MYRIP: variants seen among roughly 807,000 people sequenced by gnomAD.
The protein encoded by MYRIP is rab effector MyRIP.
In MYRIP, 49 loss-of-function variants were observed where a neutral mutation model predicts 98.0. The ratio of observed to expected loss-of-function variants is 0.50; its 90% CI spans 0.40 to 0.63. The LOEUF is 0.63. MYRIP is among the 30% of genes least tolerant of loss of function. The pLI, the probability that MYRIP is intolerant of heterozygous loss-of-function variation, is 0.00. For missense variants in MYRIP, 1,004 were observed against 1,058.2 expected (o/e 0.95, Z 0.71); for synonymous variants, 404 against 409.5 (o/e 0.99, Z 0.16).
chr3:39,942,268 C>T (rs530059241), intron 2 of MYRIP, among the ~76,000 whole-genome samples: 4 of 152,150 alleles, frequency 2.6e-5, no homozygotes, highest in Non-Finnish European at 4.4e-5. Flanking sequence ...GTATGTACGG[C>T]GTGGAAGGCA....
In MYRIP at chr3:40,019,214, G is replaced by A. The variant is rs563750152; in HGVS notation, c.111-24836G>A. Among the ~76,000 whole-genome samples the A allele has an allele frequency of 6.8e-4, 104 of 152,126 alleles. 1 individual carries two copies. The highest frequency in any genetic ancestry group is 2.9e-3 in the Admixed American group (45 of 15,280). On this transcript the variant is annotated intron_variant, in intron 2 of 16. Transcript: ENST00000302541. ...ACTTTAAAAAATGTTCATTCTTTGGGGTGGTGTGCAAGGCCCCTTAGGACC... is the reference window on the plus strand; with the variant it reads ...ACTTTAAAAAATGTTCATTCTTTGGAGTGGTGTGCAAGGCCCCTTAGGACC...
intron 1 of MYRIP, among the ~76,000 whole-genome samples, chr3:39,816,375 C>T (rs1003250589): frequency 6.6e-6 from 1 of 152,216 alleles, no homozygotes; most frequent in Non-Finnish European, 1.5e-5. Context: ...AGCCACCGCA[C>T]CAGCCTGAAT....
chr3:40,174,538 T>C (rs1950705080), intron 8 of MYRIP: 1 of 152,256 alleles, frequency 6.6e-6, no homozygotes, highest in Non-Finnish European at 1.5e-5. Context: ...GAGAAGCTGC[T>C]ATTATCAGCG....
intron 2 of MYRIP, among the ~76,000 whole-genome samples, chr3:39,907,730 C>T (rs1421363990): frequency 6.6e-6 from 1 of 152,078 alleles, no homozygotes; most frequent in African/African-American, 2.4e-5. Flanking sequence ...ATTTATTATG[C>T]CCCAACCTTT....
At chr3:39,837,300 T>G (rs1448440150) in intron 1 of MYRIP, among the ~76,000 whole-genome samples, 1 of 152,208 alleles carries the variant, frequency 6.6e-6, no homozygotes, top group African/African-American at 2.4e-5. Flanking sequence ...CTTGCCTATG[T>G]CCCGAATGGT....
chr3:39,871,006 C>T (rs148259858), intron 1 of MYRIP, among the ~76,000 whole-genome samples: 5 of 152,304 alleles, frequency 3.3e-5, no homozygotes, highest in Admixed American at 3.3e-4. Flanking sequence ...ATTATTCTGT[C>T]CAGTCCATTT....
chr3:40,178,173 T>C (rs1178299780), intron 8 of MYRIP, among the ~76,000 whole-genome samples: 1 of 152,166 alleles, frequency 6.6e-6, no homozygotes, highest in African/African-American at 2.4e-5. Context: ...AAAGCTGCGG[T>C]TGGTGCCACA....
chr3:39,965,078 G>T (rs1945409712), intron 2 of MYRIP, among the ~76,000 whole-genome samples: 1 of 152,004 alleles, frequency 6.6e-6, no homozygotes. Context: ...TACAAGTATA[G>T]AGCAGTAATA....
At chr3:40,129,062 A>G (rs972599335) in intron 3 of MYRIP, among the ~76,000 whole-genome samples, 10 of 152,058 alleles carry the variant, frequency 6.6e-5, no homozygotes, top group Non-Finnish European at 1.2e-4. Context: ...TTTCCTTAAA[A>G]CAAAAATGAC....
chr3:39,850,490 T>C (rs771206617), intron 1 of MYRIP, among the ~76,000 whole-genome samples: 6 of 152,242 alleles, frequency 3.9e-5, no homozygotes, highest in Non-Finnish European at 7.3e-5. Context: ...GCTTACACTG[T>C]AATTGTAGTG....
intron 7 of MYRIP, among the ~76,000 whole-genome samples, chr3:40,169,281 C>T (rs1436811191): frequency 1.3e-5 from 2 of 152,180 alleles, no homozygotes; most frequent in Non-Finnish European, 2.9e-5. Context: ...CTCAGCCTTC[C>T]TTTTCATCCT....
intron 1 of MYRIP, among the ~76,000 whole-genome samples, chr3:39,875,508 T>A (rs977622782): frequency 3.3e-5 from 5 of 152,028 alleles, no homozygotes; most frequent in African/African-American, 9.7e-5. Context: ...ACATCCTGCT[T>A]TGAATGCGTC....
At chr3:39,870,999 A>G (rs768008699) in intron 1 of MYRIP, among the ~76,000 whole-genome samples, 70 of 152,350 alleles carry the variant, frequency 4.6e-4, no homozygotes, top group Admixed American at 1.3e-3. Flanking sequence ...TGAGGATATT[A>G]TTCTGTCCAG....
In MYRIP at chr3:39,872,505, A is replaced by T. The variant is rs1392445099; in HGVS notation, c.-30-28282A>T. 2.8e-5 allele frequency among the ~76,000 whole-genome samples: 3 copies of T among 105,840 alleles called. No individual in the cohort carries two copies. The Admixed American group carries it at 3.7e-4, about 13-fold the overall frequency. The allele number at this position is 105,840 out of a possible 152,430, so 69.4% of individuals were successfully genotyped here. ...CTCCCCCCTCCCCCCATCCCACAAC[A>T]GTCCCCAGAGTGTGATGTTCCCCTT... On this transcript the variant is annotated intron_variant, in intron 1 of 16. Transcript: ENST00000302541.
intron 2 of MYRIP, among the ~76,000 whole-genome samples, chr3:39,996,640 C>A: frequency 6.6e-6 from 1 of 152,160 alleles, no homozygotes; most frequent in Non-Finnish European, 1.5e-5. Flanking sequence ...AGAAACTTAA[C>A]AAGGATATCC....
At chr3:40,112,401 T>A (rs1340653735) in intron 3 of MYRIP, among the ~76,000 whole-genome samples, 1 of 152,186 alleles carries the variant, frequency 6.6e-6, no homozygotes, top group Non-Finnish European at 1.5e-5. Flanking sequence ...TTGTGAGAAC[T>A]ATGGAAGGAA....
chr3:39,875,876 G>T (rs1333726785), intron 1 of MYRIP, among the ~76,000 whole-genome samples: 1 of 151,994 alleles, frequency 6.6e-6, no homozygotes, highest in Non-Finnish European at 1.5e-5. Flanking sequence ...GCAGAGCTGA[G>T]TTCAATTCCT....
intron 2 of MYRIP, among the ~76,000 whole-genome samples, chr3:40,024,991 A>C (rs533125411): frequency 1.8e-4 from 27 of 152,352 alleles, no homozygotes; most frequent in Non-Finnish European, 3.4e-4. Flanking sequence ...CAAGCATTTC[A>C]GGATGCTGCT....
In MYRIP at chr3:40,078,183, C is replaced by A. The variant is rs535496430; in HGVS notation, c.332+33912C>A. Among the ~76,000 whole-genome samples the A allele has an allele frequency of 9.1e-3, 1,388 of 152,372 alleles. 18 individuals carry two copies. The highest frequency in any genetic ancestry group is 0.03 in the African/African-American group (1,261 of 41,596). On this transcript the variant is annotated intron_variant, in intron 3 of 16. Transcript: ENST00000302541. ...CCGCTGGCCCGGGTGCTAAGCCCCT[C>A]ATTGCCCAGGGCCGGCAGGGCCAGC...
Sources: allele counts gnomAD v4.1 joint callset (sites outside exome capture counted in the v4.1 genomes callset), GRCh38; gene constraint gnomAD v4.1.1; transcripts MANE v1.5; gene names NCBI Gene and HGNC (gene_info 2026-07-23, HGNC 2026-07-21).